The following FHIT variants were observed in gnomAD, a reference collection of about 807,000 sequenced individuals.
FHIT encodes fragile histidine triad diadenosine triphosphatase.
Under a neutral mutation model 17.9 loss-of-function variants are expected in FHIT, and 19 were observed. The observed-to-expected ratio is 1.06, with a 90% CI of 0.74 to 1.56. FHIT has a LOEUF of 1.56. FHIT is among the 40% of genes most tolerant of loss of function. The probability of loss-of-function intolerance (pLI) is 0.00; values close to 1 mark genes in which losing one functional copy is unlikely to be tolerated. For missense variants in FHIT, 248 were observed against 189.2 expected, an observed-to-expected ratio of 1.31 and a Z score of -1.82; for synonymous variants, 81 against 69.7, an observed-to-expected ratio of 1.16 and a Z score of -0.81.
intron 4 of FHIT, among the ~76,000 whole-genome samples, chr3:60,688,742 T>C (rs2040918459): frequency 6.6e-6 from 1 of 152,146 alleles, no homozygotes; most frequent in African/African-American, 2.4e-5. Context: ...ATGGTCAAAT[T>C]ATCTAATTTT....
At chr3:60,594,608 C>CTCCCT (rs1485247647) in intron 4 of FHIT, among the ~76,000 whole-genome samples, 1 of 152,030 alleles carries the variant, frequency 6.6e-6, no homozygotes, top group African/African-American at 2.4e-5. Context: ...AATCCTCCTC[C>CTCCCT]TCCCTTCCCT....
chr3:60,392,492 G>A (rs1332737651), intron 5 of FHIT, among the ~76,000 whole-genome samples: 2 of 152,164 alleles, frequency 1.3e-5, no homozygotes, highest in African/African-American at 4.8e-5. Context: ...AGAGGAAGAA[G>A]GACTGATGAT....
intron 3 of FHIT, among the ~76,000 whole-genome samples, chr3:60,861,251 A>ATATATGATATATATGATATAT (rs1703863293): frequency 1.2e-5 from 1 of 84,856 alleles, no homozygotes; most frequent in Non-Finnish European, 2.5e-5. Flanking sequence ...CATATATGAT[A>ATATATGATATATATGATATAT]CATATGATAT....
intron 8 of FHIT, among the ~76,000 whole-genome samples, chr3:59,754,508 T>C (rs1701098710): frequency 6.6e-6 from 1 of 151,560 alleles, no homozygotes. Context: ...CATCTTATCT[T>C]ATAACAATTC....
chr3:61,055,655 G>C (rs532719667), intron 2 of FHIT, among the ~76,000 whole-genome samples: 36 of 152,110 alleles, frequency 2.4e-4, no homozygotes, highest in Non-Finnish European at 4.6e-4. Flanking sequence ...GGAATTCAAG[G>C]TTAATCAAAC....
chr3:60,365,171 A>G (rs1700057503), intron 5 of FHIT, among the ~76,000 whole-genome samples: 1 of 149,450 alleles, frequency 6.7e-6, no homozygotes, highest in Non-Finnish European at 1.5e-5. Flanking sequence ...ATTTAATACT[A>G]TATTATATAT....
chr3:61,179,520 G>C (rs928423487), intron 2 of FHIT, among the ~76,000 whole-genome samples: 8 of 151,668 alleles, frequency 5.3e-5, no homozygotes, highest in African/African-American at 1.7e-4. Context: ...ACCAGCCTGG[G>C]CAACAATAAT....
At chr3:60,104,527 G>C (rs1559635616) in intron 5 of FHIT, among the ~76,000 whole-genome samples, 1 of 149,764 alleles carries the variant, frequency 6.7e-6, no homozygotes, top group Admixed American at 6.7e-5. Context: ...AGAATAGAAA[G>C]AGAAAGAGGG....
rs753809976 is a variant in FHIT at position 60,009,165 on chromosome 3, A to ATGTGTGTG, written c.279+2198_279+2205dup. On this transcript the variant is annotated intron_variant, in intron 7 of 9. Transcript: ENST00000492590. ...AACCTTCATTGTTCTCTGGGATTTT[A>ATGTGTGTG]TGTGTGTGTGTGTGTGTGTGTGTGT... Among the ~76,000 whole-genome samples, 253 of 54,100 alleles carry ATGTGTGTG rather than the reference A, an allele frequency of 4.7e-3. 6 individuals carry two copies. The highest frequency in any genetic ancestry group is 0.022 in the Middle Eastern group (2 of 92). 35.5% of individuals were successfully genotyped at this position (54,100 alleles called of 152,430 possible).
chr3:59,846,651 T>C (rs1399776349), intron 8 of FHIT, among the ~76,000 whole-genome samples: 1 of 152,138 alleles, frequency 6.6e-6, no homozygotes. Context: ...CTTACAAATA[T>C]ATTTACCAAT....
At chr3:60,896,244 T>C (rs555532961) in intron 3 of FHIT, among the ~76,000 whole-genome samples, 50 of 152,148 alleles carry the variant, frequency 3.3e-4, no homozygotes, top group Non-Finnish European at 5.6e-4. Flanking sequence ...TGGGGACCAC[T>C]GTTCTAAGGG....
rs190477958 is a variant in FHIT, at chr3:60,851,855, T to C, written c.-110-29844A>G. Among the ~76,000 whole-genome samples the C allele has an allele frequency of 2.6e-5, 4 of 152,246 alleles. No individual in the cohort carries two copies. The East Asian group carries it at 7.7e-4, about 29-fold the overall frequency. On this transcript the variant is annotated intron_variant, in intron 3 of 9. Transcript: ENST00000492590. ...TTCTATGGTATAGTTAAACTTGTAA[T>C]ATTTTATACATATTTTTTGAAAGTA...
In FHIT at chr3:60,964,054, G is replaced by A. The variant is rs528541705; in HGVS notation, c.-111+77993C>T. 7.4e-4 allele frequency among the ~76,000 whole-genome samples: 113 copies of A among 152,174 alleles called. 1 individual carries two copies. Among genetic ancestry groups the A allele is most frequent in the Non-Finnish European group, 1.5e-3 (99 of 68,012 alleles). On this transcript the variant is annotated intron_variant, in intron 3 of 9. Transcript: ENST00000492590. ...AGTGTTAAAGTCTCCCATTATTATC[G>A]TGTGGGAGTCTAAGTCTCTTTGTAG...
chr3:59,792,874 G>T (rs571257148), intron 8 of FHIT, among the ~76,000 whole-genome samples: 3 of 101,184 alleles, frequency 3.0e-5, no homozygotes, highest in African/African-American at 4.9e-5. Flanking sequence ...TTATTTTTTG[G>T]GGGGGGGGGT....
At chr3:60,185,314 G>C (rs1346520526) in intron 5 of FHIT, among the ~76,000 whole-genome samples, 3 of 152,078 alleles carry the variant, frequency 2.0e-5, no homozygotes. Flanking sequence ...CAGTAACAAT[G>C]ATTTGTTTAC....
At chr3:60,148,588 T>A (rs1383753155) in intron 5 of FHIT, among the ~76,000 whole-genome samples, 2 of 152,158 alleles carry the variant, frequency 1.3e-5, no homozygotes, top group Non-Finnish European at 2.9e-5. Context: ...CCAGACTGCA[T>A]ACACAAAGGA....
chr3:60,007,356 A>T (rs1699965016), intron 7 of FHIT, among the ~76,000 whole-genome samples: 1 of 152,196 alleles, frequency 6.6e-6, no homozygotes, highest in Non-Finnish European at 1.5e-5. Flanking sequence ...AATATAGAAG[A>T]CTTTTGATAG....
chr3:61,225,529 A>G (rs111986067), intron 1 of FHIT, among the ~76,000 whole-genome samples: 34 of 152,260 alleles, frequency 2.2e-4, no homozygotes, highest in Non-Finnish European at 4.4e-4. Flanking sequence ...GCATTGGGTT[A>G]AATGAAAGTT....
chr3:60,488,580 G>A (rs570758578), intron 5 of FHIT, among the ~76,000 whole-genome samples: 2 of 151,950 alleles, frequency 1.3e-5, no homozygotes, highest in South Asian at 4.2e-4. Context: ...CATGAGGGAG[G>A]GCCTATGACA....
Sources: gnomAD v4.1 joint callset for allele counts (sites outside exome capture counted in the v4.1 genomes callset) on GRCh38, gnomAD v4.1.1 for gene constraint, MANE v1.5 for transcripts, NCBI Gene and HGNC (gene_info 2026-07-23, HGNC 2026-07-21) for gene names.